THADA: variants seen among roughly 807,000 people sequenced by gnomAD.
The protein encoded by THADA is THADA armadillo repeat containing.
THADA carries 213 observed loss-of-function variants against 219.8 expected under a neutral mutation model. The observed-to-expected ratio is 0.97, with a 90% CI of 0.87 to 1.09. THADA has a LOEUF of 1.09. Among genes scored for constraint, THADA ranks in the 50% least tolerant of loss-of-function variants. THADA has a pLI of 0.00. For missense variants in THADA, 2,956 were observed against 2,311.3 expected, an observed-to-expected ratio of 1.28 and a Z score of -5.72; for synonymous variants, 1,018 against 828.9, an observed-to-expected ratio of 1.23 and a Z score of -3.92.
chr2:43,273,180 C>A (rs1446980220), intron 36 of THADA, among the ~76,000 whole-genome samples: 2 of 151,028 alleles, frequency 1.3e-5, no homozygotes, highest in African/African-American at 4.9e-5. Context: ...ACCCGGGAGG[C>A]GGAGGTTGCA....
chr2:43,293,328 G>T (rs1031128498), intron 31 of THADA, 115 bp from the exon 32 acceptor site: 4 of 1,218,724 alleles, frequency 3.3e-6, no homozygotes, highest in Non-Finnish European at 4.5e-6. Context: ...TCTCCCATAA[G>T]CAGATTTCAA....
chr2:43,594,438 G>T (rs1047971219), intron 1 of THADA, among the ~76,000 whole-genome samples: 3 of 152,138 alleles, frequency 2.0e-5, no homozygotes, highest in Admixed American at 2.0e-4. Context: ...ACAAAAATTA[G>T]CCGGGTGTGG....
chr2:43,404,380 T>C (rs555337971), intron 28 of THADA, among the ~76,000 whole-genome samples: 79 of 150,728 alleles, frequency 5.2e-4, no homozygotes, highest in Admixed American at 1.6e-3. Flanking sequence ...CTTTTCTTTT[T>C]TTTTTTTTTT....
chr2:43,472,954 G>A (rs894976251), intron 26 of THADA, among the ~76,000 whole-genome samples: 4 of 152,160 alleles, frequency 2.6e-5, no homozygotes, highest in Non-Finnish European at 4.4e-5. Flanking sequence ...CAGTTACCAC[G>A]AATGGAGCCT....
intron 28 of THADA, among the ~76,000 whole-genome samples, chr2:43,411,635 A>AT (rs1676316831): frequency 6.6e-6 from 1 of 152,182 alleles, no homozygotes; most frequent in Non-Finnish European, 1.5e-5. Context: ...TCAGTGGATT[A>AT]TTTTTCAATA....
intron 35 of THADA, among the ~76,000 whole-genome samples, chr2:43,281,661 C>T (rs997114594): frequency 6.6e-6 from 1 of 151,988 alleles, no homozygotes; most frequent in Non-Finnish European, 1.5e-5. Flanking sequence ...GGCTCAAACT[C>T]CTGACCTCAG....
At chr2:43,238,902 G>A (rs1226586381) in intron 36 of THADA, among the ~76,000 whole-genome samples, 1 of 136,872 alleles carries the variant, frequency 7.3e-6, no homozygotes, top group East Asian at 1.9e-4. Context: ...GGAGCTGGGG[G>A]TTGGTGGGAG....
At chr2:43,473,536 A>C (rs1179842976) in intron 26 of THADA, among the ~76,000 whole-genome samples, 1 of 152,192 alleles carries the variant, frequency 6.6e-6, no homozygotes, top group Admixed American at 6.5e-5. Flanking sequence ...AATAAAAGAT[A>C]TATTATAGTA....
At chr2:43,410,882 GT>G (rs1319710121) in intron 28 of THADA, among the ~76,000 whole-genome samples, 2 of 152,082 alleles carry the variant, frequency 1.3e-5, no homozygotes, top group East Asian at 3.9e-4. Context: ...CAATAAAGTT[GT>G]TTTTAAAAGA....
At chr2:43,237,867 C>T (rs1283288953) in intron 36 of THADA, among the ~76,000 whole-genome samples, 1 of 150,658 alleles carries the variant, frequency 6.6e-6, no homozygotes, top group African/African-American at 2.4e-5. Context: ...CCTGTAATCC[C>T]AGCACTTTGG....
At chr2:43,260,808 G>T (rs1670846767) in intron 36 of THADA, among the ~76,000 whole-genome samples, 1 of 152,116 alleles carries the variant, frequency 6.6e-6, no homozygotes. Flanking sequence ...ATCAGTTTTT[G>T]TAAATGTTAT....
intron 26 of THADA, among the ~76,000 whole-genome samples, chr2:43,461,473 C>G (rs1381485264): frequency 6.6e-6 from 1 of 152,166 alleles, no homozygotes; most frequent in Non-Finnish European, 1.5e-5. Flanking sequence ...TCCCCCAAAC[C>G]TGACTAGGGT....
At chr2:43,405,670 G>A (rs116778689) in intron 28 of THADA, among the ~76,000 whole-genome samples, 75 of 152,214 alleles carry the variant, frequency 4.9e-4, no homozygotes, top group African/African-American at 1.5e-3. Context: ...TAATGAGTTC[G>A]GAGCTTTTAA....
intron 26 of THADA, among the ~76,000 whole-genome samples, chr2:43,451,271 GT>G (rs1298112796): frequency 6.6e-6 from 1 of 152,168 alleles, no homozygotes; most frequent in East Asian, 1.9e-4. Context: ...CAGAGGCAAA[GT>G]TTAGAGCTTG....
intron 28 of THADA, among the ~76,000 whole-genome samples, chr2:43,422,258 G>C (rs190815351): frequency 3.9e-5 from 6 of 152,276 alleles, no homozygotes; most frequent in Admixed American, 3.9e-4. Flanking sequence ...GAGCAAAAAA[G>C]AGAAATTATG....
At chr2:43,528,014 G>A in intron 21 of THADA, 26 bp from the exon 22 acceptor site, 1 of 1,547,962 alleles carries the variant, frequency 6.5e-7, no homozygotes. Flanking sequence ...AAAAACAAAT[G>A]TCCGATTTAT....
At chr2:43,571,601 A>G in intron 13 of THADA, 106 bp downstream of exon 13, 6 of 1,093,426 alleles carry the variant, frequency 5.5e-6, no homozygotes, top group Non-Finnish European at 7.9e-6. Flanking sequence ...GTGGTAGCCC[A>G]ATTCCATGAC....
At chr2:43,555,031 T>C (rs866508239) in intron 17 of THADA, among the ~76,000 whole-genome samples, 2 of 152,178 alleles carry the variant, frequency 1.3e-5, no homozygotes, top group Admixed American at 6.6e-5. Flanking sequence ...AGGTGTTGGA[T>C]TACGGATGCT....
At chr2:43,417,953 T>C (rs1418811350) in intron 28 of THADA, among the ~76,000 whole-genome samples, 1 of 152,184 alleles carries the variant, frequency 6.6e-6, no homozygotes, top group African/African-American at 2.4e-5. Context: ...TCCTAAAATA[T>C]TGCCTGGCTT....
Sources: gnomAD v4.1 joint callset for allele counts (sites outside exome capture counted in the v4.1 genomes callset) on GRCh38, gnomAD v4.1.1 for gene constraint, MANE v1.5 for transcripts, NCBI Gene and HGNC (gene_info 2026-07-23, HGNC 2026-07-21) for gene names.